RNF38: variants seen among roughly 807,000 people sequenced by gnomAD.
The protein encoded by RNF38 is E3 ubiquitin-protein ligase RNF38.
RNF38 carries 15 observed loss-of-function variants against 67.2 expected under a neutral mutation model. The observed-to-expected ratio is 0.22, with a 90% CI of 0.15 to 0.34. The LOEUF is 0.34. Among genes scored for constraint, RNF38 ranks in the 10% least tolerant of loss-of-function variants. The pLI is 1.00. For missense variants in RNF38, 524 were observed against 639.9 expected (o/e 0.82, Z 1.95); for synonymous variants, 220 against 218.8 (o/e 1.01, Z -0.05).
intron 2 of RNF38, among the ~76,000 whole-genome samples, chr9:36,380,854 G>A (rs1443793332): frequency 6.6e-6 from 1 of 152,182 alleles, no homozygotes; most frequent in Admixed American, 6.5e-5. Flanking sequence ...AATCATCAAG[G>A]ACTCAGAAAC....
chr9:36,345,064 G>A (rs1027938427), intron 9 of RNF38, 111 bp from the exon 10 acceptor site: 26 of 1,155,998 alleles, frequency 2.2e-5, no homozygotes, highest in Admixed American at 1.8e-4. Context: ...AGAGTATAGC[G>A]GCTGTTCACA....
chr9:36,419,327 T>TG (rs1330158819), intron 2 of RNF38, among the ~76,000 whole-genome samples: 1 of 152,200 alleles, frequency 6.6e-6, no homozygotes, highest in Non-Finnish European at 1.5e-5. Flanking sequence ...ACAAGCTGGA[T>TG]GGGTGCTTTT....
At chr9:36,390,725 G>A in intron 1 of RNF38, 109 bp from the exon 2 acceptor site, 1 of 1,103,464 alleles carries the variant, frequency 9.1e-7, no homozygotes, top group Non-Finnish European at 1.3e-6. Flanking sequence ...GATTCTGCTA[G>A]CGAAGACAGG....
intron 1 of RNF38, among the ~76,000 whole-genome samples, chr9:36,391,343 G>A (rs1837065973): frequency 6.6e-6 from 1 of 151,850 alleles, no homozygotes; most frequent in Admixed American, 6.6e-5. Context: ...TTGATTATGG[G>A]TTAATCCTCT....
In RNF38 at chr9:36,369,700, A is replaced by G. The variant is rs763394173; in HGVS notation, c.570+19T>C. The G allele has an allele frequency of 2.0e-6, 3 of 1,538,112 alleles. No individual in the cohort carries two copies. Among genetic ancestry groups the G allele is most frequent in the Non-Finnish European group, 2.6e-6 (3 of 1,138,566 alleles). On this transcript the variant is annotated intron_variant, in intron 4 of 11. Transcript: ENST00000259605. ...CAAAATTTCAGCTTCTGTATTTCCAAGACATTCTGTTATTGTACCTGATCA... is the reference window on the plus strand; with the variant it reads ...CAAAATTTCAGCTTCTGTATTTCCAGGACATTCTGTTATTGTACCTGATCA...
At chr9:36,421,526 G>A (rs1381135520) in intron 2 of RNF38, among the ~76,000 whole-genome samples, 2 of 152,202 alleles carry the variant, frequency 1.3e-5, no homozygotes, top group East Asian at 3.9e-4. Flanking sequence ...AGCCGGGCGT[G>A]GTAGCGGATG....
chr9:36,385,291 G>A (rs1836522618), intron 2 of RNF38, among the ~76,000 whole-genome samples: 1 of 151,806 alleles, frequency 6.6e-6, no homozygotes, highest in Non-Finnish European at 1.5e-5. Context: ...CCAAGAAGTA[G>A]CTCCAAAGCA....
chr9:36,448,791 G>A (rs1439657491), intron 1 of RNF38, among the ~76,000 whole-genome samples: 1 of 151,924 alleles, frequency 6.6e-6, no homozygotes, highest in Non-Finnish European at 1.5e-5. Flanking sequence ...ACTGCCTGAG[G>A]TCAGGAGTTT....
chr9:36,385,145 TA>T (rs575197463), intron 2 of RNF38, among the ~76,000 whole-genome samples: 13 of 150,380 alleles, frequency 8.6e-5, no homozygotes, highest in Admixed American at 2.0e-4. Flanking sequence ...ACCGAAAATT[TA>T]AAAAAAAAAA....
At chr9:36,401,019 C>A, upstream of RNF38, 1 of 984,876 alleles carries the variant, frequency 1.0e-6, no homozygotes, top group Non-Finnish European at 1.2e-6. Flanking sequence ...CCCCTCGCCG[C>A]TAGGCCGCGA....
chr9:36,463,555 A>AC (rs1359267210), intron 1 of RNF38, among the ~76,000 whole-genome samples: 1 of 152,004 alleles, frequency 6.6e-6, no homozygotes, highest in Non-Finnish European at 1.5e-5. Flanking sequence ...TGAACTGTTT[A>AC]CCTTTTGGGT....
intron 6 of RNF38, among the ~76,000 whole-genome samples, chr9:36,355,084 A>G (rs530252467): frequency 2.4e-4 from 36 of 152,340 alleles, no homozygotes; most frequent in African/African-American, 7.9e-4. Flanking sequence ...TTTCCAAGAA[A>G]AGATTGTCTT....
rs1053333510 is a variant in RNF38, at chr9:36,339,657, G to A, written c.*95C>T. The A allele has an allele frequency of 2.7e-5, 26 of 948,708 alleles. No homozygotes were observed. Among genetic ancestry groups the A allele is most frequent in the Non-Finnish European group, 4.0e-5 (24 of 597,486 alleles). 58.8% of individuals were successfully genotyped at this position (948,708 alleles called of 1,614,324 possible). ...AGGTCCATTGACCCTTTTGGTAAAG[G>A]GAGGGCTGGAAGCCACACAGATTAA... is the stretch of plus-strand genomic sequence containing the variant. On this transcript the variant is annotated 3_prime_UTR_variant, in exon 12 of 12. Coordinates refer to ENST00000259605, the MANE Select transcript of RNF38 (RefSeq NM_022781.5).
At chr9:36,469,583 C>G (rs1041503752) in intron 1 of RNF38, among the ~76,000 whole-genome samples, 2 of 152,116 alleles carry the variant, frequency 1.3e-5, no homozygotes, top group African/African-American at 4.8e-5. Flanking sequence ...ATTGCTTGAA[C>G]CCGGGAGGTG....
chr9:36,359,279 ATT>A, intron 4 of RNF38, among the ~76,000 whole-genome samples: 1 of 145,314 alleles, frequency 6.9e-6, no homozygotes. Flanking sequence ...GTCTTTTGTG[ATT>A]TTTTTTTTTA....
chr9:36,372,654 T>C (rs1016518063), intron 3 of RNF38: 4 of 596,452 alleles, frequency 6.7e-6, no homozygotes, highest in Non-Finnish European at 6.2e-6. Context: ...AAAAAAACAC[T>C]AGGAGAGCCA....
intron 2 of RNF38, among the ~76,000 whole-genome samples, chr9:36,387,731 T>C (rs1836752833): frequency 6.6e-6 from 1 of 152,162 alleles, no homozygotes; most frequent in South Asian, 2.1e-4. Context: ...GAGATGCAAA[T>C]GAGCCTACAC....
chr9:36,468,922 A>T (rs905550009), intron 1 of RNF38, among the ~76,000 whole-genome samples: 1 of 151,742 alleles, frequency 6.6e-6, no homozygotes. Context: ...GACCAGCCTG[A>T]CCAATACGGT....
At position 36,439,434 on chromosome 9, in the gene RNF38, T is replaced by C. The variant is rs770016895; in HGVS notation, n.242-14751A>G. ...GTGTGACACCTATGATACAAGGTTG[T>C]TGCGAAGCTTATATGACGTATGTAA... On this transcript the variant is annotated intron_variant and non_coding_transcript_variant, in intron 1 of 3. Transcript: ENST00000488058. Among the ~76,000 whole-genome samples the C allele has an allele frequency of 2.0e-5, 3 of 152,242 alleles. 1 individual carries two copies. The highest frequency in any genetic ancestry group is 4.1e-4 in the South Asian group (2 of 4,834).
Sources: gnomAD v4.1 joint callset for allele counts (sites outside exome capture counted in the v4.1 genomes callset) on GRCh38, gnomAD v4.1.1 for gene constraint, MANE v1.5 for transcripts, NCBI Gene and HGNC (gene_info 2026-07-23, HGNC 2026-07-21) for gene names.